Variants in TMEM240 observed in about 807,000 individuals in gnomAD.
The protein encoded by TMEM240 is transmembrane protein 240, also known as transmembrane protein C1orf70.
A neutral mutation model predicts 19.5 loss-of-function variants in TMEM240; 3 were observed. The ratio of observed to expected loss-of-function variants is 0.15; its 90% CI spans 0.07 to 0.40. The LOEUF (loss-of-function observed/expected upper bound fraction) is 0.40, where lower values mean the gene tolerates loss of function less well. TMEM240 is among the 10% of genes least tolerant of loss of function. TMEM240 has a pLI of 1.00. For synonymous variants in TMEM240, 123 were observed against 109.3 expected, an observed-to-expected ratio of 1.13 and a Z score of -0.78; for missense variants, 210 against 253.5, an observed-to-expected ratio of 0.83 and a Z score of 1.17.
intron 1 of TMEM240, 130 bp from the exon 2 acceptor site, chr1:1,539,920 G>A (rs1243643881): frequency 9.0e-6 from 5 of 553,854 alleles, no homozygotes; most frequent in East Asian, 9.6e-5. Context: ...TGAGGGGAGC[G>A]TAGGCCTTGG....
chr1:1,535,689 C>T lies in TMEM240; in HGVS notation c.273G>A (p.Met91Ile). 1.3e-6 allele frequency: 2 copies of T among 1,550,400 alleles called. No individual in the cohort carries two copies. Among genetic ancestry groups the T allele is most frequent in the Non-Finnish European group, 1.7e-6 (2 of 1,146,742 alleles). The change falls in exon 3 of 4, where the codon ATG (methionine) becomes ATA (isoleucine). Residue 91 changes from methionine (M) to isoleucine (I), a missense_variant. Physicochemically the swap from Met to Ile is conservative, Grantham distance 10. Transcript: ENST00000378733. This position sits in a 1 kb window ranked among gnomAD's most constrained non-coding sequence, Gnocchi z 8.2. ...DSVTKQEIDL[M>I]LGLLLGFCIS... ...TGCAAAAGCCCAGCAGCAGCCCCAG[C>T]ATGAGGTCGATCTCCTGCTTGGTCA...
chr1:1,537,114 G>A (rs974173381), intron 2 of TMEM240, among the ~76,000 whole-genome samples: 6 of 152,050 alleles, frequency 3.9e-5, no homozygotes, highest in Non-Finnish European at 8.8e-5. Context: ...CCCTCAGTGA[G>A]ATCTGGGGGG....
chr1:1,538,513 C>T (rs1338225245), intron 2 of TMEM240, among the ~76,000 whole-genome samples: 1 of 152,242 alleles, frequency 6.6e-6, no homozygotes, highest in Admixed American at 6.5e-5. Context: ...CTCTGGAGCT[C>T]GGGTCTGGGC....
At chr1:1,537,851 G>A (rs1216842806) in intron 2 of TMEM240, among the ~76,000 whole-genome samples, 1 of 152,224 alleles carries the variant, frequency 6.6e-6, no homozygotes, top group Non-Finnish European at 1.5e-5. Flanking sequence ...TCTCCACGGG[G>A]CGCCACGTCA....
Position 1,535,896 on chromosome 1 carries a change from C to T in TMEM240, c.165-99G>A, listed in dbSNP as rs1011441161. 3.3e-5 allele frequency: 27 copies of T among 821,396 alleles called. No individual in the cohort carries two copies. The highest frequency in any genetic ancestry group is 2.8e-4 in the African/African-American group (16 of 57,652). The allele number at this position is 821,396 out of a possible 1,614,324, so 50.9% of individuals were successfully genotyped here. A position where few individuals can be genotyped will look rare whatever the true frequency, so the allele number is the denominator to read the frequency against. ...TGGTGGGGGTGTGACCGCGTCAGGC[C>T]GCCCTGGGGGTTCTCTGAAGCAGCC... is the stretch of plus-strand genomic sequence containing the variant. On this transcript the variant is annotated intron_variant, in intron 2 of 3. Transcript: ENST00000378733. The surrounding 1 kb of genome is among the most constrained non-coding windows in gnomAD (Gnocchi z 8.2).
At chr1:1,538,427 G>A (rs775359632) in intron 2 of TMEM240, among the ~76,000 whole-genome samples, 4 of 152,246 alleles carry the variant, frequency 2.6e-5, no homozygotes, top group Admixed American at 6.5e-5. Flanking sequence ...CCTGCCCCGC[G>A]GAGCCCTCAG....
In TMEM240 at chr1:1,535,906, GTT is replaced by G; in HGVS notation, c.165-111_165-110del. 4.3e-6 allele frequency: 2 copies of G among 464,396 alleles called. No homozygotes were observed. The highest frequency in any genetic ancestry group is 1.4e-4 in the East Asian group (2 of 14,796). 28.8% of individuals were successfully genotyped at this position (464,396 alleles called of 1,614,324 possible). A position where few individuals can be genotyped will look rare whatever the true frequency, so the allele number is the denominator to read the frequency against. ...GTGACCGCGTCAGGCCGCCCTGGGGGTTCTCTGAAGCAGCCTCTTGGGCGGGC... is the reference window on the plus strand; with the variant it reads ...GTGACCGCGTCAGGCCGCCCTGGGGGCTCTGAAGCAGCCTCTTGGGCGGGC... On this transcript the variant is annotated intron_variant, in intron 2 of 3. Coordinates refer to ENST00000378733, the MANE Select transcript of TMEM240 (RefSeq NM_001114748.2). The surrounding 1 kb of genome is among the most constrained non-coding windows in gnomAD (Gnocchi z 8.2).
intron 1 of TMEM240, among the ~76,000 whole-genome samples, 155 bp downstream of exon 1, chr1:1,540,135 C>T (rs1388162383): frequency 1.9e-5 from 1 of 52,804 alleles, no homozygotes; most frequent in African/African-American, 7.8e-5. Flanking sequence ...GGTGGGGGAG[C>T]GCAGGCCGGG....
Position 1,535,613 on chromosome 1 carries a change from C to T in TMEM240, c.349G>A (p.Ala117Thr), listed in dbSNP as rs769269506. The T allele has an allele frequency of 1.5e-5, 23 of 1,549,514 alleles. No individual in the cohort carries two copies. The highest frequency in any genetic ancestry group is 2.4e-5 in the East Asian group (1 of 40,896). ...MDGVLHCAVR[A>T]WRAGRRYDGS... ...CCGTAGCGCCGTCCGGCTCTCCAGGCGCGCACGGCGCAGTGCAGGACGCCG... is the reference window on the plus strand; with the variant it reads ...CCGTAGCGCCGTCCGGCTCTCCAGGTGCGCACGGCGCAGTGCAGGACGCCG... Residue 117 changes from alanine to threonine, a missense_variant, in exon 3 of 4, where the codon GCC becomes ACC. By Grantham distance (58) the Ala-to-Thr change is moderately conservative (BLOSUM62 0). Around this residue, in one of 3 missense-constraint regions of TMEM240, gnomAD observed 157 missense variants for 168.2 expected, o/e 0.93. Transcript: ENST00000378733. This position sits in a 1 kb window ranked among gnomAD's most constrained non-coding sequence, Gnocchi z 8.2.
chr1:1,536,237 CAG>C lies in TMEM240; in HGVS notation c.165-442_165-441del, dbSNP rs1427961159. Among the ~76,000 whole-genome samples, 3 of 152,132 alleles carry C rather than the reference CAG, an allele frequency of 2.0e-5. No individual in the cohort carries two copies. The highest frequency in any genetic ancestry group is 4.4e-5 in the Non-Finnish European group (3 of 67,992). On this transcript the variant is annotated intron_variant, in intron 2 of 3. Coordinates refer to ENST00000378733, the MANE Select transcript of TMEM240 (RefSeq NM_001114748.2). The surrounding 1 kb of genome is among the most constrained non-coding windows in gnomAD (Gnocchi z 5.4). ...AGGCCACTTGGAGCAGAGCTGGACA[CAG>C]GGAGCCCTGCTGGCCCCAGACCAGC... is the stretch of plus-strand genomic sequence containing the variant.
chr1:1,539,487 G>C, intron 2 of TMEM240, 197 bp downstream of exon 2: 1 of 590,282 alleles, frequency 1.7e-6, no homozygotes, highest in Non-Finnish European at 3.0e-6. Flanking sequence ...AGGCCTCTAG[G>C]AACGGCGTCC....
chr1:1,540,214 C>A, intron 1 of TMEM240, 76 bp downstream of exon 1: 1 of 1,026,104 alleles, frequency 9.7e-7, no homozygotes, highest in Non-Finnish European at 1.2e-6. Context: ...GGGCGGTAAA[C>A]AAGGCGCGGG....
In TMEM240 at chr1:1,540,513, G is replaced by C. The variant is rs1331934091; in HGVS notation, c.-167C>G. On this transcript the variant is annotated 5_prime_UTR_variant, in exon 1 of 4. Coordinates refer to ENST00000378733, the MANE Select transcript of TMEM240 (RefSeq NM_001114748.2). Reference sequence around the variant, plus strand: ...CCGGCCGGGGGGAGGAGGCGCGGGGGGGGGGGCGCCGGGGAGGGACGCGGG... The same window carrying C: ...CCGGCCGGGGGGAGGAGGCGCGGGGCGGGGGGCGCCGGGGAGGGACGCGGG... 3.7e-4 allele frequency: 66 copies of C among 176,432 alleles called. No individual in the cohort carries two copies. The highest frequency in any genetic ancestry group is 5.2e-4 in the Non-Finnish European group (44 of 85,240). The allele number at this position is 176,432 out of a possible 1,614,324, so 10.9% of individuals were successfully genotyped here. A position where few individuals can be genotyped will look rare whatever the true frequency, so the allele number is the denominator to read the frequency against.
chr1:1,537,245 C>T (rs565888537), intron 2 of TMEM240, among the ~76,000 whole-genome samples: 4 of 152,032 alleles, frequency 2.6e-5, no homozygotes, highest in South Asian at 2.1e-4. Context: ...GGAAAGTGGC[C>T]GCTTTCAGTG....
Position 1,540,305 on chromosome 1 carries a change from C to T in TMEM240, c.42G>A (p.Gly14=). The T allele has an allele frequency of 7.4e-7, 1 of 1,342,946 alleles. No individual in the cohort carries two copies. The allele number at this position is 1,342,946 out of a possible 1,614,324, so 83.2% of individuals were successfully genotyped here. A position where few individuals can be genotyped will look rare whatever the true frequency, so the allele number is the denominator to read the frequency against. ...SANTMIFMIL[G]ASVVMAIACL... ...CTCCGCTCACCATCACGACCGACGC[C>T]CCCAGAATCATGAAGATCATGGTGT... Residue 14 remains glycine, a synonymous_variant, in exon 1 of 4, where the codon GGG becomes GGA. Transcript: ENST00000378733.
rs142339764 is a variant in TMEM240 at position 1,537,139 on chromosome 1, C to T, written c.165-1342G>A. Among the ~76,000 whole-genome samples, 3 of 152,108 alleles carry T rather than the reference C, an allele frequency of 2.0e-5. No individual in the cohort carries two copies. The East Asian group carries it at 5.8e-4, about 29-fold the overall frequency. On this transcript the variant is annotated intron_variant, in intron 2 of 3. Transcript: ENST00000378733. ...GATCTGGGGGGTCCTGGGGCCCGAG[C>T]CCAGGAACAGGGAGGAGGTGTCCCC...
chr1:1,536,542 C>T lies in TMEM240; in HGVS notation c.165-745G>A, dbSNP rs931840806. ...TCAGTGCCTGCGCGCCTCCATGTCC[C>T]TCGGCCTCCCCTCCCCGGGCTCTTG... On this transcript the variant is annotated intron_variant, in intron 2 of 3. Coordinates refer to ENST00000378733, the MANE Select transcript of TMEM240 (RefSeq NM_001114748.2). The surrounding 1 kb of genome is among the most constrained non-coding windows in gnomAD (Gnocchi z 5.4). Among the ~76,000 whole-genome samples, 2 of 152,206 alleles carry T rather than the reference C, an allele frequency of 1.3e-5. No homozygotes were observed. The highest frequency in any genetic ancestry group is 2.4e-5 in the African/African-American group (1 of 41,456).
In TMEM240 at chr1:1,536,614, G is replaced by A. The variant is rs1245028063; in HGVS notation, c.165-817C>T. 6.6e-6 allele frequency among the ~76,000 whole-genome samples: 1 copy of A among 152,130 alleles called. No individual in the cohort carries two copies. The highest frequency in any genetic ancestry group is 1.5e-5 in the Non-Finnish European group (1 of 68,026). Reference sequence around the variant, plus strand: ...CCACAACAGCCTCTGGCCTCTTGCTGCTGGGGCAACACAAGCTCCCCAAGG... The same window carrying A: ...CCACAACAGCCTCTGGCCTCTTGCTACTGGGGCAACACAAGCTCCCCAAGG... On this transcript the variant is annotated intron_variant, in intron 2 of 3. Transcript: ENST00000378733. The surrounding 1 kb of genome is among the most constrained non-coding windows in gnomAD (Gnocchi z 5.4).
intron 1 of TMEM240, 39 bp downstream of exon 1, chr1:1,540,251 G>T (rs1325050351): frequency 2.3e-6 from 3 of 1,288,208 alleles, no homozygotes; most frequent in East Asian, 3.3e-5. Flanking sequence ...GCGCGCGGGC[G>T]GGGAGCAGGG....
Sources: allele counts gnomAD v4.1 joint callset (sites outside exome capture counted in the v4.1 genomes callset), GRCh38; gene constraint gnomAD v4.1.1; regional missense constraint gnomAD v4.1.1; non-coding constraint Gnocchi (gnomAD v3.1); transcripts MANE v1.5; gene names NCBI Gene and HGNC (gene_info 2026-07-23, HGNC 2026-07-21).